The following MYO5B variants were observed in gnomAD, a reference collection of about 807,000 sequenced individuals.
MYO5B encodes the protein unconventional myosin-Vb.
MYO5B carries 143 observed loss-of-function variants against 229.3 expected under a neutral mutation model. The observed-to-expected ratio is 0.62, with a 90% CI of 0.54 to 0.72. The LOEUF (loss-of-function observed/expected upper bound fraction) is 0.72. Among genes scored for constraint, MYO5B ranks in the 30% least tolerant of loss-of-function variants. MYO5B has a pLI of 0.00. For synonymous variants in MYO5B, 918 were observed against 885.2 expected, an observed-to-expected ratio of 1.04 and a Z score of -0.66; for missense variants, 2,321 against 2,331.0, an observed-to-expected ratio of 1.00 and a Z score of 0.09.
chr18:50,111,659 C>G (rs1249272657), intron 1 of MYO5B, among the ~76,000 whole-genome samples: 2 of 152,152 alleles, frequency 1.3e-5, no homozygotes, highest in Admixed American at 6.5e-5. Flanking sequence ...TTTGCAGAAC[C>G]TTTTGCAATT....
At chr18:50,108,947 A>G (rs770829420) in intron 1 of MYO5B, among the ~76,000 whole-genome samples, 4 of 152,132 alleles carry the variant, frequency 2.6e-5, no homozygotes, top group Non-Finnish European at 5.9e-5. Flanking sequence ...GCTTTGAATG[A>G]CCCCACATGC....
intron 4 of MYO5B, among the ~76,000 whole-genome samples, chr18:50,021,634 G>A (rs1485578025): frequency 6.7e-6 from 1 of 149,048 alleles, no homozygotes; most frequent in Non-Finnish European, 1.5e-5. Context: ...GCCCAGGACT[G>A]TCCCTCACGT....
chr18:50,078,028 A>G (rs1483837809), intron 1 of MYO5B, among the ~76,000 whole-genome samples: 3 of 152,270 alleles, frequency 2.0e-5, no homozygotes, highest in Non-Finnish European at 4.4e-5. Flanking sequence ...AAGTTGAGGA[A>G]TCAAGATGAC....
chr18:49,922,902 C>T (rs1025582666), intron 17 of MYO5B, among the ~76,000 whole-genome samples: 2 of 152,182 alleles, frequency 1.3e-5, no homozygotes, highest in Non-Finnish European at 2.9e-5. Flanking sequence ...GGCATCTTGA[C>T]TCTGCTGGCA....
chr18:50,083,652 G>A (rs1165325048), intron 1 of MYO5B, among the ~76,000 whole-genome samples: 2 of 152,156 alleles, frequency 1.3e-5, no homozygotes, highest in Non-Finnish European at 2.9e-5. Flanking sequence ...CCTTGGTCAG[G>A]AGCAGTTAAC....
chr18:49,875,447 T>C (rs1372212408), intron 26 of MYO5B, among the ~76,000 whole-genome samples: 1 of 152,256 alleles, frequency 6.6e-6, no homozygotes, highest in East Asian at 1.9e-4. Flanking sequence ...TGCCACAGAC[T>C]TCCCCCTAGC....
rs183612867 is a variant in MYO5B, at chr18:49,969,255, T to C, written c.1322+5095A>G. Among the ~76,000 whole-genome samples the C allele has an allele frequency of 4.4e-3, 670 of 152,320 alleles. 4 individuals carry two copies. The highest frequency in any genetic ancestry group is 0.015 in the African/African-American group (640 of 41,574). Reference sequence around the variant, plus strand: ...CTTTCGATACTGGCTAGAGAAGAGATGGGTAGCCTCCAAATAATTATTGCA... The same window carrying C: ...CTTTCGATACTGGCTAGAGAAGAGACGGGTAGCCTCCAAATAATTATTGCA... On this transcript the variant is annotated intron_variant, in intron 10 of 39. Transcript: ENST00000285039.
chr18:49,886,708 A>C (rs2024646011), intron 22 of MYO5B, among the ~76,000 whole-genome samples: 1 of 152,168 alleles, frequency 6.6e-6, no homozygotes, highest in African/African-American at 2.4e-5. Context: ...GTATGTCTTC[A>C]GAGGCTAAAA....
At chr18:49,944,106 A>C (rs2144226949) in intron 14 of MYO5B, among the ~76,000 whole-genome samples, 2 of 152,334 alleles carry the variant, frequency 1.3e-5, no homozygotes, top group Admixed American at 1.3e-4. Context: ...ATGGGAAGCC[A>C]TTAAAGGGTT....
chr18:49,827,553 G>A (rs1042342236), intron 39 of MYO5B, among the ~76,000 whole-genome samples: 2 of 152,136 alleles, frequency 1.3e-5, no homozygotes, highest in African/African-American at 4.8e-5. Flanking sequence ...CACTAGAGAA[G>A]TTTAACCGCA....
At chr18:50,155,542 T>C (rs935893312) in intron 1 of MYO5B, among the ~76,000 whole-genome samples, 5 of 152,226 alleles carry the variant, frequency 3.3e-5, no homozygotes, top group Admixed American at 6.5e-5. Context: ...CAGCAGTTTA[T>C]CTACATGCTA....
intron 18 of MYO5B, among the ~76,000 whole-genome samples, chr18:49,909,379 G>A (rs1392745659): frequency 2.6e-5 from 4 of 152,214 alleles, no homozygotes; most frequent in African/African-American, 7.2e-5. Flanking sequence ...TTTAGACAGC[G>A]GGAGTTAGAA....
chr18:50,047,338 G>A (rs1355466841), intron 2 of MYO5B, among the ~76,000 whole-genome samples: 8 of 152,192 alleles, frequency 5.3e-5, no homozygotes, highest in Admixed American at 3.3e-4. Context: ...CACATGAAAA[G>A]ATGCTCACCA....
chr18:50,090,338 C>CAAAA (rs11393869), intron 1 of MYO5B, among the ~76,000 whole-genome samples: 41 of 136,376 alleles, frequency 3.0e-4, no homozygotes, highest in African/African-American at 1.1e-3. Context: ...GCAAGACCCT[C>CAAAA]AAAAAAAAAA....
chr18:49,954,181 G>T, intron 13 of MYO5B, 132 bp downstream of exon 13: 1 of 1,373,090 alleles, frequency 7.3e-7, no homozygotes, highest in Non-Finnish European at 1.0e-6. Context: ...AAAGAGGATG[G>T]AAGGGGAACC....
At chr18:50,110,579 C>A (rs1274591283) in intron 1 of MYO5B, among the ~76,000 whole-genome samples, 1 of 152,180 alleles carries the variant, frequency 6.6e-6, no homozygotes, top group East Asian at 1.9e-4. Context: ...ATCCCTCCTG[C>A]CTCTCCTCTT....
At chr18:49,925,822 G>A (rs2025123027) in intron 17 of MYO5B, among the ~76,000 whole-genome samples, 1 of 152,182 alleles carries the variant, frequency 6.6e-6, no homozygotes, top group Non-Finnish European at 1.5e-5. Flanking sequence ...CTTGTAAGCA[G>A]GCAATGAAAG....
At chr18:50,160,294 AG>A (rs1714868841) in intron 1 of MYO5B, among the ~76,000 whole-genome samples, 1 of 152,202 alleles carries the variant, frequency 6.6e-6, no homozygotes, top group African/African-American at 2.4e-5. Context: ...AAGGCTGTGG[AG>A]CAGACTCTCT....
chr18:49,968,131 GA>G (rs2025647378), intron 10 of MYO5B, among the ~76,000 whole-genome samples: 1 of 152,142 alleles, frequency 6.6e-6, no homozygotes, highest in African/African-American at 2.4e-5. Context: ...CAGATGACAG[GA>G]AACTAGTACA....
Sources: gnomAD v4.1 joint callset for allele counts (sites outside exome capture counted in the v4.1 genomes callset) on GRCh38, gnomAD v4.1.1 for gene constraint, MANE v1.5 for transcripts, NCBI Gene and HGNC (gene_info 2026-07-23, HGNC 2026-07-21) for gene names.